The following VRK2 variants were observed in gnomAD, a reference collection of about 807,000 sequenced individuals.
VRK2 encodes the protein VRK serine/threonine kinase 2.
A neutral mutation model predicts 57.6 loss-of-function variants in VRK2; 60 were observed. The ratio of observed to expected loss-of-function variants is 1.04; its 90% CI spans 0.85 to 1.29. The LOEUF is 1.29. VRK2 is among the 50% of genes most tolerant of loss of function. The pLI, the probability that VRK2 is intolerant of heterozygous loss-of-function variation, is 0.00. For missense variants in VRK2, 705 were observed against 588.1 expected (o/e 1.20, Z -2.06); for synonymous variants, 231 against 199.2 (o/e 1.16, Z -1.35).
intron 1 of VRK2, among the ~76,000 whole-genome samples, chr2:58,008,295 T>G (rs2103640917): frequency 6.6e-6 from 1 of 151,972 alleles, no homozygotes; most frequent in South Asian, 2.1e-4. Context: ...TATTGTCAAC[T>G]GATGAAAATA....
intron 12 of VRK2, among the ~76,000 whole-genome samples, chr2:58,156,065 G>C (rs1472869339): frequency 5.3e-5 from 8 of 151,918 alleles, no homozygotes; most frequent in Non-Finnish European, 1.2e-4. Context: ...TCAGTGTTTT[G>C]ATAGGTGCTT....
At chr2:58,049,835 G>T (rs1675443068) in intron 2 of VRK2, among the ~76,000 whole-genome samples, 1 of 152,064 alleles carries the variant, frequency 6.6e-6, no homozygotes. Flanking sequence ...ATGCTTCATG[G>T]ATCCTGAAAT....
At chr2:57,992,749 G>C (rs986479048) in intron 1 of VRK2, among the ~76,000 whole-genome samples, 1 of 151,524 alleles carries the variant, frequency 6.6e-6, no homozygotes, top group Non-Finnish European at 1.5e-5. Flanking sequence ...TGTTAGCCAG[G>C]ATGGTCTCGA....
At chr2:57,947,803 TTC>T (rs1424694090) in intron 1 of VRK2, among the ~76,000 whole-genome samples, 1 of 152,200 alleles carries the variant, frequency 6.6e-6, no homozygotes, top group Admixed American at 6.5e-5. Flanking sequence ...AGTCAGAACC[TTC>T]TATATTATTC....
chr2:57,957,645 T>TAC (rs4067997), intron 1 of VRK2, among the ~76,000 whole-genome samples: 1 of 148,256 alleles, frequency 6.7e-6, no homozygotes, highest in Admixed American at 6.8e-5. Flanking sequence ...TATATATATA[T>TAC]CCATATAGAT....
intron 2 of VRK2, among the ~76,000 whole-genome samples, chr2:58,071,996 T>C (rs895804244): frequency 1.3e-5 from 2 of 152,010 alleles, no homozygotes; most frequent in Non-Finnish European, 2.9e-5. Flanking sequence ...TATTTTGTTA[T>C]ATTTATAACT....
chr2:58,079,560 ATTTG>A (rs929927841), intron 2 of VRK2, among the ~76,000 whole-genome samples: 1 of 151,768 alleles, frequency 6.6e-6, no homozygotes, highest in Non-Finnish European at 1.5e-5. Context: ...TCTCTCATTT[ATTTG>A]TTTATTTATT....
At chr2:58,043,587 C>T (rs1043741841), upstream of VRK2, among the ~76,000 whole-genome samples, 4 of 151,988 alleles carry the variant, frequency 2.6e-5, no homozygotes, top group African/African-American at 9.7e-5. Flanking sequence ...CTTTTTATTG[C>T]TGAGTGATAG....
At position 58,111,110 on chromosome 2, in the gene VRK2, G is replaced by A. The variant is rs141959552; in HGVS notation, c.544-11991G>A. On this transcript the variant is annotated intron_variant, in intron 7 of 12. Coordinates refer to ENST00000340157, the MANE Select transcript of VRK2 (RefSeq NM_006296.7). ...ATCAAAATGGAAAGCCTGTAAAAGC[G>A]TTAGTTAAAATTAGTTGTTTATTGG... Among the ~76,000 whole-genome samples, 839 of 152,302 alleles carry A rather than the reference G, an allele frequency of 5.5e-3. 3 individuals carry two copies. Among genetic ancestry groups the A allele is most frequent in the African/African-American group, 0.019 (796 of 41,552 alleles).
intron 1 of VRK2, among the ~76,000 whole-genome samples, chr2:57,931,466 C>T (rs1670721640): frequency 6.6e-6 from 1 of 152,020 alleles, no homozygotes; most frequent in African/African-American, 2.4e-5. Flanking sequence ...TTAATGTTTA[C>T]TTGATTTTTT....
chr2:58,048,549 G>A, intron 1 of VRK2: 1 of 1,378,730 alleles, frequency 7.3e-7, no homozygotes, highest in South Asian at 1.2e-5. Context: ...CTGTTAATAT[G>A]TGCTATAGAA....
chr2:58,142,842 T>C (rs770042538), intron 11 of VRK2, among the ~76,000 whole-genome samples: 1 of 151,908 alleles, frequency 6.6e-6, no homozygotes, highest in Non-Finnish European at 1.5e-5. Flanking sequence ...CACCTTATTA[T>C]GGTGCTTGAA....
chr2:57,981,687 T>C (rs1437693688), intron 1 of VRK2, among the ~76,000 whole-genome samples: 1 of 152,262 alleles, frequency 6.6e-6, no homozygotes, highest in Non-Finnish European at 1.5e-5. Flanking sequence ...AGTCATAAGT[T>C]TGGTTTCTTT....
chr2:58,113,657 C>T (rs1384251303), intron 7 of VRK2, among the ~76,000 whole-genome samples: 2 of 152,010 alleles, frequency 1.3e-5, no homozygotes, highest in African/African-American at 4.8e-5. Flanking sequence ...AGTGGGGGAG[C>T]TTCTGAGCCA....
At chr2:58,019,744 G>C (rs989509128) in intron 1 of VRK2, among the ~76,000 whole-genome samples, 4 of 152,176 alleles carry the variant, frequency 2.6e-5, no homozygotes, top group Non-Finnish European at 5.9e-5. Flanking sequence ...GACAGTACTA[G>C]TTTCCTATTG....
chr2:58,118,130 T>G (rs1676812622), intron 7 of VRK2, among the ~76,000 whole-genome samples: 2 of 147,336 alleles, frequency 1.4e-5, no homozygotes, highest in African/African-American at 2.5e-5. Flanking sequence ...CCACTAAGGG[T>G]GAAGGAGAAG....
At chr2:58,102,411 AT>A (rs1278517423) in intron 7 of VRK2, among the ~76,000 whole-genome samples, 4 of 151,172 alleles carry the variant, frequency 2.6e-5, no homozygotes, top group Non-Finnish European at 5.9e-5. Flanking sequence ...TGAAAAAGAT[AT>A]TCCACCCAAG....
chr2:58,071,215 A>G (rs1249559913), intron 2 of VRK2, among the ~76,000 whole-genome samples: 1 of 152,018 alleles, frequency 6.6e-6, no homozygotes, highest in East Asian at 1.9e-4. Context: ...GTCTTGTCAG[A>G]TGTTTTGCAA....
In VRK2 at chr2:58,159,226, A is replaced by AAAT. The variant is rs1684633685; in HGVS notation, c.1183-120_1183-118dup. 1.1e-4 allele frequency: 81 copies of AAAT among 721,886 alleles called. 1 individual carries two copies. The South Asian group carries it at 2.2e-3, about 20-fold the overall frequency. The allele number at this position is 721,886 out of a possible 1,614,324, so 44.7% of individuals were successfully genotyped here. A position where few individuals can be genotyped will look rare whatever the true frequency, so the allele number is the denominator to read the frequency against. ...TTACCTAAAAATTACTTCTCAGGAAAAATAACACGCAAAAACTTGATCTTG... is the reference window on the plus strand; with the variant it reads ...TTACCTAAAAATTACTTCTCAGGAAAAATAATAACACGCAAAAACTTGATCTTG... On this transcript the variant is annotated intron_variant, in intron 12 of 12. Coordinates refer to ENST00000340157, the MANE Select transcript of VRK2 (RefSeq NM_006296.7).
Sources: allele counts gnomAD v4.1 joint callset (sites outside exome capture counted in the v4.1 genomes callset), GRCh38; gene constraint gnomAD v4.1.1; transcripts MANE v1.5; gene names NCBI Gene and HGNC (gene_info 2026-07-23, HGNC 2026-07-21).